CPS1: variants seen among roughly 807,000 people sequenced by gnomAD.
CPS1 encodes carbamoyl-phosphate synthase [ammonia], mitochondrial.
Under a neutral mutation model 174.6 loss-of-function variants are expected in CPS1, and 109 were observed. That is an observed-to-expected ratio of 0.62 (90% CI 0.53 to 0.73). The LOEUF (loss-of-function observed/expected upper bound fraction) is 0.73, where lower values mean the gene tolerates loss of function less well. Ranked by LOEUF, CPS1 falls within the 30% of genes least tolerant of loss-of-function variation. The probability of loss-of-function intolerance (pLI) is 0.00; values close to 1 mark genes in which losing one functional copy is unlikely to be tolerated. For missense variants in CPS1, 1,689 were observed against 1,821.9 expected, an observed-to-expected ratio of 0.93 and a Z score of 1.33; for synonymous variants, 637 against 632.0, an observed-to-expected ratio of 1.01 and a Z score of -0.12.
Position 210,658,582 on chromosome 2 carries a change from T to C in CPS1, c.3667-17T>C. The C allele has an allele frequency of 6.2e-7, 1 of 1,610,414 alleles. No homozygotes were observed. The highest frequency in any genetic ancestry group is 8.5e-7 in the Non-Finnish European group (1 of 1,176,678). On this transcript the variant is annotated splice_polypyrimidine_tract_variant and intron_variant, in intron 30 of 37. Coordinates refer to ENST00000233072, the MANE Select transcript of CPS1 (RefSeq NM_001875.5). ...TATGCTCTTTAGCACACTATACGAT[T>C]ATGCTTTTTAATTCAGGTGAAGGAT...
intron 21 of CPS1, among the ~76,000 whole-genome samples, chr2:210,630,748 G>C (rs1002379918): frequency 6.6e-6 from 1 of 152,104 alleles, no homozygotes; most frequent in Non-Finnish European, 1.5e-5. Context: ...TTTGAAAATT[G>C]TCTTTTGCAT....
intron 1 of CPS1, among the ~76,000 whole-genome samples, chr2:210,503,734 C>T (rs1443841572): frequency 6.6e-6 from 1 of 152,186 alleles, no homozygotes; most frequent in Non-Finnish European, 1.5e-5. Flanking sequence ...ATTCAGGAGA[C>T]TTCCTCTGCA....
intron 1 of CPS1, among the ~76,000 whole-genome samples, chr2:210,513,660 A>C (rs1261143507): frequency 6.6e-6 from 1 of 151,930 alleles, no homozygotes; most frequent in African/African-American, 2.4e-5. Context: ...CTCTGTTGAT[A>C]GTTTCTTCTG....
At chr2:210,506,556 G>C (rs1179020763) in intron 1 of CPS1, among the ~76,000 whole-genome samples, 1 of 152,136 alleles carries the variant, frequency 6.6e-6, no homozygotes, top group Non-Finnish European at 1.5e-5. Flanking sequence ...CTGAGAGAAG[G>C]CTTCAGACAA....
chr2:210,586,850 A>G lies in CPS1; in HGVS notation c.622-1208A>G, dbSNP rs143563041. On this transcript the variant is annotated intron_variant, in intron 6 of 37. Transcript: ENST00000233072. ...ATCAGGAGATTACATATATTTTGTG[A>G]GTTTTGTTTGACTACATGCCTTGGA... 1.2e-4 allele frequency among the ~76,000 whole-genome samples: 19 copies of G among 152,128 alleles called. 1 individual carries two copies. In the East Asian group the frequency reaches 1.9e-3, roughly 15 times the overall value.
intron 21 of CPS1, among the ~76,000 whole-genome samples, chr2:210,636,769 C>T (rs888292076): frequency 3.3e-5 from 5 of 151,882 alleles, no homozygotes; most frequent in South Asian, 4.2e-4. Flanking sequence ...TTTAGTTGGA[C>T]TTTGAAGGGC....
At position 210,663,091 on chromosome 2, in the gene CPS1, ATT is replaced by A. The variant is rs757041936; in HGVS notation, c.3928-28_3928-27del. On this transcript the variant is annotated intron_variant, in intron 32 of 37. Coordinates refer to ENST00000233072, the MANE Select transcript of CPS1 (RefSeq NM_001875.5). The stretch of plus-strand genomic sequence containing the variant: ...TCATTTTCTACTTTTCCCTCACATA[ATT>A]TTTCTCCCTGTTTTTTTTTTTTCCA... The A allele has an allele frequency of 1.9e-6, 3 of 1,543,694 alleles. No individual in the cohort carries two copies. The African/African-American group carries it at 5.0e-5, about 26-fold the overall frequency.
chr2:210,606,486 C>A (rs184000958), intron 17 of CPS1, among the ~76,000 whole-genome samples: 9 of 151,662 alleles, frequency 5.9e-5, no homozygotes, highest in Non-Finnish European at 1.3e-4. Context: ...AGTAAGTAGA[C>A]GATTGAAGCC....
chr2:210,532,803 C>T (rs1281161720), intron 1 of CPS1, among the ~76,000 whole-genome samples: 1 of 152,024 alleles, frequency 6.6e-6, no homozygotes, highest in African/African-American at 2.4e-5. Flanking sequence ...GCAGAACTAC[C>T]AACTGGGCAG....
rs1158783728 is a variant in CPS1, at chr2:210,512,845, T to C, written c.3+35079T>C. The stretch of plus-strand genomic sequence containing the variant: ...ATATATATATGGAGATATACATATA[T>C]GGAGATATATATATATAGATATATA... On this transcript the variant is annotated intron_variant, in intron 1 of 38. Coordinates refer to the CPS1 transcript ENST00000430249. 4.4e-5 allele frequency among the ~76,000 whole-genome samples: 4 copies of C among 91,772 alleles called. 1 individual carries two copies. Among genetic ancestry groups the C allele is most frequent in the Admixed American group, 2.7e-4 (2 of 7,334 alleles). 60.2% of individuals were successfully genotyped at this position (91,772 alleles called of 152,430 possible). A position where few individuals can be genotyped will look rare whatever the true frequency, so the allele number is the denominator to read the frequency against.
At chr2:210,512,339 A>G (rs930230089) in intron 1 of CPS1, among the ~76,000 whole-genome samples, 6 of 151,156 alleles carry the variant, frequency 4.0e-5, no homozygotes, top group Non-Finnish European at 7.4e-5. Context: ...CAATTTTCCA[A>G]TCCTTGTCCC....
intron 1 of CPS1, among the ~76,000 whole-genome samples, chr2:210,545,137 A>G (rs555867603): frequency 6.6e-6 from 1 of 152,216 alleles, no homozygotes; most frequent in East Asian, 1.9e-4. Context: ...GAAAAAGATT[A>G]ATCTCCTTAA....
chr2:210,676,607 G>A (rs192883504), intron 36 of CPS1, among the ~76,000 whole-genome samples: 90 of 152,236 alleles, frequency 5.9e-4, no homozygotes, highest in Middle Eastern at 6.8e-3. Flanking sequence ...CCGTGTTTGG[G>A]GCATTGTAAA....
At chr2:210,502,425 AAAAG>A (rs1695165991) in intron 1 of CPS1, among the ~76,000 whole-genome samples, 2 of 145,998 alleles carry the variant, frequency 1.4e-5, no homozygotes, top group Admixed American at 1.4e-4. Context: ...ATATATATAT[AAAAG>A]AGAGATATAG....
rs1364617555 is a variant in CPS1, at chr2:210,606,915, C to T, written c.2166C>T (p.Ser722=). The T allele has an allele frequency of 1.2e-6, 2 of 1,612,292 alleles. No homozygotes were observed. Among genetic ancestry groups the T allele is most frequent in the Middle Eastern group, 1.7e-4 (1 of 6,024 alleles). The change falls in exon 18 of 38, where the codon AGC becomes AGT. Residue 722 remains serine, a synonymous_variant. Transcript: ENST00000233072. ...IIEVNARLSR[S]SALASKATGY... ...AAGTGAATGCCAGACTGTCCCGAAGCTCTGCTCTGGCCTCAAAAGCCACTG... is the reference window on the plus strand; with the variant it reads ...AAGTGAATGCCAGACTGTCCCGAAGTTCTGCTCTGGCCTCAAAAGCCACTG...
chr2:210,656,709 T>TTA, intron 30 of CPS1, 77 bp downstream of exon 30: 5 of 981,358 alleles, frequency 5.1e-6, no homozygotes, highest in Non-Finnish European at 7.9e-6. Flanking sequence ...TTTTTTTTTT[T>TTA]AAAGCTAGGT....
chr2:210,603,081 C>G (rs1698782764), intron 16 of CPS1, among the ~76,000 whole-genome samples: 1 of 151,830 alleles, frequency 6.6e-6, no homozygotes, highest in Non-Finnish European at 1.5e-5. Context: ...TCTATTTCCA[C>G]AAAATAGAAC....
chr2:210,652,396 G>GTT (rs1700585250), intron 28 of CPS1, among the ~76,000 whole-genome samples: 1 of 152,142 alleles, frequency 6.6e-6, no homozygotes, highest in Non-Finnish European at 1.5e-5. Flanking sequence ...ATGGAAAGAG[G>GTT]TGAGTGAGTT....
At chr2:210,567,774 G>C (rs1467415119) in intron 1 of CPS1, among the ~76,000 whole-genome samples, 1 of 152,132 alleles carries the variant, frequency 6.6e-6, no homozygotes, top group African/African-American at 2.4e-5. Flanking sequence ...TTGCCACCCA[G>C]CCTTAACTCA....
Sources: gnomAD v4.1 joint callset for allele counts (sites outside exome capture counted in the v4.1 genomes callset) on GRCh38, gnomAD v4.1.1 for gene constraint, MANE v1.5 for transcripts, NCBI Gene and HGNC (gene_info 2026-07-23, HGNC 2026-07-21) for gene names.